ECHDC1: variants seen among roughly 807,000 people sequenced by gnomAD.
The protein encoded by ECHDC1 is ethylmalonyl-CoA decarboxylase 1.
In ECHDC1, 29 loss-of-function variants were observed where a neutral mutation model predicts 29.7. The observed-to-expected ratio is 0.98, with a 90% CI of 0.73 to 1.33. ECHDC1 has a LOEUF of 1.33. Ranked by LOEUF, ECHDC1 falls within the 40% of genes most tolerant of loss-of-function variation. ECHDC1 has a pLI of 0.00. For missense variants in ECHDC1, 328 were observed against 350.0 expected (o/e 0.94, Z 0.50); for synonymous variants, 126 against 123.1 (o/e 1.02, Z -0.15).
chr6:127,323,733 G>T lies in ECHDC1; in HGVS notation c.363+3269C>A, dbSNP rs186006081. ...TAATAATCATATACTACATACAGTG[G>T]CATGAGACTTATGGAATATCATGAA... On this transcript the variant is annotated intron_variant, in intron 3 of 5. Transcript: ENST00000454859. 2.1e-3 allele frequency among the ~76,000 whole-genome samples: 323 copies of T among 152,182 alleles called. 1 individual carries two copies. Among genetic ancestry groups the T allele is most frequent in the Non-Finnish European group, 3.8e-3 (260 of 67,956 alleles).
intron 3 of ECHDC1, among the ~76,000 whole-genome samples, chr6:127,318,302 C>T (rs973788574): frequency 2.0e-5 from 3 of 152,154 alleles, no homozygotes; most frequent in African/African-American, 7.2e-5. Context: ...TCAAGGAATG[C>T]CCAGATCATA....
At chr6:127,307,648 G>GAAAAAAAAAAAAAAAAAAAAAAAAAAA (rs71024770) in intron 5 of ECHDC1, among the ~76,000 whole-genome samples, 1 of 48,662 alleles carries the variant, frequency 2.1e-5, no homozygotes, top group Non-Finnish European at 4.3e-5. Flanking sequence ...CTCTGTCTCA[G>GAAAAAAAAAAAAAAAAAAAAAAAAAAA]AAAAAAAAAA....
chr6:127,291,009 G>A (rs78023389), intron 5 of ECHDC1, among the ~76,000 whole-genome samples: 1 of 152,114 alleles, frequency 6.6e-6, no homozygotes, highest in Admixed American at 6.6e-5. Context: ...GGGAAAAGAT[G>A]TTCCAGGAAG....
At chr6:127,308,798 C>T (rs148856151) in intron 5 of ECHDC1, among the ~76,000 whole-genome samples, 4 of 152,236 alleles carry the variant, frequency 2.6e-5, no homozygotes, top group African/African-American at 9.6e-5. Context: ...AAATCAGTAG[C>T]TTTTCTATAT....
chr6:127,295,181 T>C (rs1780500465), intron 5 of ECHDC1, among the ~76,000 whole-genome samples: 1 of 152,112 alleles, frequency 6.6e-6, no homozygotes. Context: ...ACTCCTTACA[T>C]CAGGTGATCC....
intron 5 of ECHDC1, among the ~76,000 whole-genome samples, chr6:127,297,925 T>G (rs910720): frequency 1.3e-5 from 2 of 152,128 alleles, no homozygotes; most frequent in African/African-American, 4.8e-5. Context: ...CTTGCGTCCA[T>G]GCTCCTTAGT....
rs1231125353 is a variant in ECHDC1, at chr6:127,289,494, G to C, written c.*375C>G. ...TTAGCAGCAACACTCAGTTATTTTG[G>C]TAAATTATTTCCAGGTAAAACAGAA... On this transcript the variant is annotated 3_prime_UTR_variant, in exon 6 of 6. Coordinates refer to ENST00000454859, the MANE Select transcript of ECHDC1 (RefSeq NM_001002030.2). 1 of 163,674 alleles carries C rather than the reference G, an allele frequency of 6.1e-6. No individual in the cohort carries two copies. 10.1% of individuals were successfully genotyped at this position (163,674 alleles called of 1,614,324 possible). A position where few individuals can be genotyped will look rare whatever the true frequency, so the allele number is the denominator to read the frequency against.
intron 5 of ECHDC1, chr6:127,313,232 C>A (rs1474933653): frequency 6.4e-6 from 1 of 156,036 alleles, no homozygotes. Flanking sequence ...GAGACAGAGT[C>A]TCACTCTGTT....
chr6:127,310,986 G>A (rs1215986684), intron 5 of ECHDC1, among the ~76,000 whole-genome samples: 1 of 152,120 alleles, frequency 6.6e-6, no homozygotes, highest in African/African-American at 2.4e-5. Flanking sequence ...TTTTAATTAA[G>A]ATAGATGCAT....
Position 127,327,042 on chromosome 6 carries a change from C to A in ECHDC1, c.323G>T (p.Gly108Val). ...VRGAKNTFSS[G>V]SDLNAVKSLG... ...TGATTTCACAGCATTCAGATCAGAT[C>A]CTGAAGAGAAAGTATTTTTTGCCCC... The change falls in exon 3 of 6, where the codon GGA (glycine) becomes GTA (valine). Residue 108 changes from glycine to valine, a missense_variant. Physicochemically the swap from Gly to Val is moderately radical, Grantham distance 109 (BLOSUM62 -3). Transcript: ENST00000454859. The A allele has an allele frequency of 6.2e-7, 1 of 1,613,982 alleles. No homozygotes were observed. Among genetic ancestry groups the A allele is most frequent in the Non-Finnish European group, 8.5e-7 (1 of 1,179,962 alleles).
Position 127,296,281 on chromosome 6 carries a change from C to T in ECHDC1, c.498-6004G>A, listed in dbSNP as rs568526278. Among the ~76,000 whole-genome samples the T allele has an allele frequency of 2.0e-5, 3 of 152,188 alleles. No individual in the cohort carries two copies. The East Asian group carries it at 5.8e-4, about 29-fold the overall frequency. ...CGATCTTGGCTCATTGCAACCTCCG[C>T]CTCCCAGGTTCAAGTGACTCTCCTG... On this transcript the variant is annotated intron_variant, in intron 5 of 5. Transcript: ENST00000454859.
chr6:127,333,998 C>T (rs1784205313), intron 1 of ECHDC1, among the ~76,000 whole-genome samples: 1 of 152,204 alleles, frequency 6.6e-6, no homozygotes, highest in South Asian at 2.1e-4. Context: ...AGTTCCTGTG[C>T]AAGCTTTTTG....
intron 5 of ECHDC1, 37 bp from the exon 6 acceptor site, chr6:127,290,314 C>A: frequency 1.3e-6 from 2 of 1,571,192 alleles, no homozygotes; most frequent in Non-Finnish European, 1.7e-6. Flanking sequence ...TTGTAACTCT[C>A]TCTGTATGCT....
rs942321096 is a variant in ECHDC1 at position 127,329,923 on chromosome 6, C to T, written c.220+886G>A. 6 of 453,602 alleles carry T rather than the reference C, an allele frequency of 1.3e-5. No homozygotes were observed. The Admixed American group carries it at 1.4e-4, about 11-fold the overall frequency. The allele number at this position is 453,602 out of a possible 1,614,324, so 28.1% of individuals were successfully genotyped here. A position where few individuals can be genotyped will look rare whatever the true frequency, so the allele number is the denominator to read the frequency against. ...AAAAGTCATCTTGGGTTTAAAGACT[C>T]ACCACTGGTAATTTACAAAGGGTTT... On this transcript the variant is annotated intron_variant, in intron 2 of 5. Coordinates refer to ENST00000454859, the MANE Select transcript of ECHDC1 (RefSeq NM_001002030.2).
chr6:127,331,156 T>TC, intron 1 of ECHDC1, 126 bp from the exon 2 acceptor site: 1 of 699,164 alleles, frequency 1.4e-6, no homozygotes. Flanking sequence ...CATTTCTTTT[T>TC]TTTTTTTTTT....
At chr6:127,315,858 A>C in intron 4 of ECHDC1, 1 of 430,414 alleles carries the variant, frequency 2.3e-6, no homozygotes, top group South Asian at 1.7e-5. Context: ...TCATAATTTT[A>C]AATTTGTCTA....
In ECHDC1 at chr6:127,343,436, C is replaced by G. The variant is rs1298297954; in HGVS notation, c.-103G>C. 1.3e-5 allele frequency: 2 copies of G among 152,450 alleles called. No homozygotes were observed. Among genetic ancestry groups the G allele is most frequent in the African/African-American group, 4.8e-5 (2 of 41,408 alleles). The allele number at this position is 152,450 out of a possible 1,614,324, so 9.4% of individuals were successfully genotyped here. On this transcript the variant is annotated 5_prime_UTR_variant, in exon 1 of 6. Coordinates refer to ENST00000454859, the MANE Select transcript of ECHDC1 (RefSeq NM_001002030.2). ...GCTCCCCCCGGGACCATCGTGCGCCCCTGTCCTCCGTTCTTGTAGGTCCTC... is the reference window on the plus strand; with the variant it reads ...GCTCCCCCCGGGACCATCGTGCGCCGCTGTCCTCCGTTCTTGTAGGTCCTC...
chr6:127,296,445 G>A (rs778144343), intron 5 of ECHDC1, among the ~76,000 whole-genome samples: 4 of 151,936 alleles, frequency 2.6e-5, no homozygotes, highest in Non-Finnish European at 5.9e-5. Context: ...CGCCTGCCTC[G>A]GCCTCCCACA....
At chr6:127,330,667 T>C in intron 2 of ECHDC1, 142 bp downstream of exon 2, 1 of 636,514 alleles carries the variant, frequency 1.6e-6, no homozygotes, top group Non-Finnish European at 2.7e-6. Flanking sequence ...TATTACAGAG[T>C]TGTTGTTTTT....
Sources: gnomAD v4.1 joint callset for allele counts (sites outside exome capture counted in the v4.1 genomes callset) on GRCh38, gnomAD v4.1.1 for gene constraint, MANE v1.5 for transcripts, NCBI Gene and HGNC (gene_info 2026-07-23, HGNC 2026-07-21) for gene names.